MEF2A: variants seen among roughly 807,000 people sequenced by gnomAD.
MEF2A encodes the protein myocyte-specific enhancer factor 2A.
MEF2A carries 28 observed loss-of-function variants against 55.8 expected under a neutral mutation model. The observed-to-expected ratio is 0.50, with a 90% CI of 0.37 to 0.69. The LOEUF is 0.69. Among genes scored for constraint, MEF2A ranks in the 30% least tolerant of loss-of-function variants. The probability of loss-of-function intolerance (pLI) is 0.00; values close to 1 mark genes in which losing one functional copy is unlikely to be tolerated. For missense variants in MEF2A, 528 were observed against 626.2 expected, an observed-to-expected ratio of 0.84 and a Z score of 1.67; for synonymous variants, 239 against 227.1, an observed-to-expected ratio of 1.05 and a Z score of -0.47.
intron 8 of MEF2A, among the ~76,000 whole-genome samples, chr15:99,700,445 G>A (rs910376546): frequency 6.6e-6 from 1 of 151,728 alleles, no homozygotes; most frequent in Non-Finnish European, 1.5e-5. Context: ...CCAGGAAGTC[G>A]AGGCTGCAGT....
chr15:99,688,545 C>T (rs537514952), intron 7 of MEF2A, among the ~76,000 whole-genome samples: 30 of 152,228 alleles, frequency 2.0e-4, no homozygotes, highest in Non-Finnish European at 4.1e-4. Context: ...ATCATGAGGT[C>T]AGGAGATCAA....
intron 1 of MEF2A, among the ~76,000 whole-genome samples, chr15:99,567,259 A>G (rs1042348731): frequency 6.6e-6 from 1 of 152,262 alleles, no homozygotes; most frequent in Non-Finnish European, 1.5e-5. Context: ...ATGTGTTAAC[A>G]ATAGCATATG....
intron 2 of MEF2A, among the ~76,000 whole-genome samples, chr15:99,605,768 C>G (rs1974863355): frequency 6.6e-6 from 1 of 151,724 alleles, no homozygotes; most frequent in Non-Finnish European, 1.5e-5. Context: ...CCTAGGAGTT[C>G]AAGACCAGCT....
At chr15:99,590,558 T>G (rs1228826604) in intron 1 of MEF2A, among the ~76,000 whole-genome samples, 1 of 151,466 alleles carries the variant, frequency 6.6e-6, no homozygotes, top group Non-Finnish European at 1.5e-5. Flanking sequence ...TCCTATTTTG[T>G]GTTTTATTTT....
chr15:99,690,745 A>G (rs1470991461), intron 8 of MEF2A: 10 of 461,484 alleles, frequency 2.2e-5, no homozygotes, highest in Non-Finnish European at 4.2e-5. Flanking sequence ...GTGGGACCTA[A>G]AAAAATTGGT....
At chr15:99,694,792 C>T (rs1282375014) in intron 8 of MEF2A, among the ~76,000 whole-genome samples, 2 of 152,096 alleles carry the variant, frequency 1.3e-5, no homozygotes, top group East Asian at 1.9e-4. Flanking sequence ...TTCTTCTGCA[C>T]GGGAGATTTA....
chr15:99,573,963 G>T (rs1483896114), intron 1 of MEF2A, among the ~76,000 whole-genome samples: 2 of 152,144 alleles, frequency 1.3e-5, no homozygotes, highest in African/African-American at 4.8e-5. Context: ...AGGGAGAGAA[G>T]AATCTAGGAG....
chr15:99,650,460 C>T lies in MEF2A; in HGVS notation c.258+4696C>T, dbSNP rs549834903. ...TAAGAATGATAGGTATTATTAAGCACTTAACATGGTCTAGTAAAGACTTCA... is the reference window on the plus strand; with the variant it reads ...TAAGAATGATAGGTATTATTAAGCATTTAACATGGTCTAGTAAAGACTTCA... On this transcript the variant is annotated intron_variant, in intron 4 of 11. Transcript: ENST00000557942. Among the ~76,000 whole-genome samples the T allele has an allele frequency of 5.4e-4, 82 of 152,278 alleles. 1 individual carries two copies. Among genetic ancestry groups the T allele is most frequent in the African/African-American group, 1.9e-3 (81 of 41,546 alleles).
At chr15:99,624,112 G>A (rs1353885468) in intron 2 of MEF2A, among the ~76,000 whole-genome samples, 2 of 152,124 alleles carry the variant, frequency 1.3e-5, no homozygotes, top group Non-Finnish European at 2.9e-5. Flanking sequence ...GCCGTGATCT[G>A]CAGTTATTAT....
chr15:99,665,996 A>G (rs2049603992), intron 4 of MEF2A, among the ~76,000 whole-genome samples: 1 of 152,188 alleles, frequency 6.6e-6, no homozygotes, highest in Non-Finnish European at 1.5e-5. Flanking sequence ...GTGGGAGTGT[A>G]AATTAGTTCA....
rs546417031 is a variant in MEF2A at position 99,585,142 on chromosome 15, C to T, written c.-224-13288C>T. On this transcript the variant is annotated intron_variant, in intron 1 of 11. Transcript: ENST00000557942. ...TGGAATTGTGCTTTATTCTAGTTGA[C>T]AGGATTAATCTTACCATTCTCTTAT... Among the ~76,000 whole-genome samples, 71 of 152,260 alleles carry T rather than the reference C, an allele frequency of 4.7e-4. 1 individual carries two copies. Among genetic ancestry groups the T allele is most frequent in the African/African-American group, 1.7e-3 (70 of 41,546 alleles).
chr15:99,629,947 A>C (rs539067878), intron 2 of MEF2A, among the ~76,000 whole-genome samples: 1 of 151,958 alleles, frequency 6.6e-6, no homozygotes, highest in South Asian at 2.1e-4. Flanking sequence ...CTCAAAAAAA[A>C]AAAATCTCTC....
At chr15:99,662,769 C>T (rs553719503) in intron 4 of MEF2A, among the ~76,000 whole-genome samples, 24 of 152,284 alleles carry the variant, frequency 1.6e-4, no homozygotes, top group East Asian at 5.8e-4. Context: ...TGAGCCACCG[C>T]GCCCGGCCCA....
At chr15:99,678,209 A>G (rs1381371807) in intron 7 of MEF2A, among the ~76,000 whole-genome samples, 1 of 152,202 alleles carries the variant, frequency 6.6e-6, no homozygotes, top group Non-Finnish European at 1.5e-5. Context: ...TTTCAAATAC[A>G]TGGAGATTTT....
chr15:99,685,457 T>C (rs1389953721), intron 7 of MEF2A, among the ~76,000 whole-genome samples: 2 of 152,078 alleles, frequency 1.3e-5, no homozygotes, highest in African/African-American at 4.8e-5. Context: ...TTGCACCTGT[T>C]GCAAAAAGCG....
At chr15:99,617,162 CT>C (rs1301454682) in intron 2 of MEF2A, among the ~76,000 whole-genome samples, 1 of 151,928 alleles carries the variant, frequency 6.6e-6, no homozygotes, top group Non-Finnish European at 1.5e-5. Flanking sequence ...ATCATCATTT[CT>C]TATAAAGACT....
chr15:99,569,091 G>T (rs1482389354), intron 1 of MEF2A, among the ~76,000 whole-genome samples: 1 of 152,186 alleles, frequency 6.6e-6, no homozygotes, highest in Non-Finnish European at 1.5e-5. Flanking sequence ...ATGCTGATTT[G>T]CAAGCCCCAG....
chr15:99,706,776 C>G lies in MEF2A; in HGVS notation c.930C>G (p.Thr310=), dbSNP rs3730283. ...CTCAAGCCACTCAACCTCTTGCTAC[C>G]CCAGTCGTGTCTGTGACAACCCCAA... is the stretch of plus-strand genomic sequence containing the variant. The part of the protein sequence containing the change: ...SSSQATQPLA[T]PVVSVTTPSL... Residue 310 remains threonine, a synonymous_variant, in exon 10 of 12, where the codon ACC becomes ACG. Transcript: ENST00000557942. 6.2e-7 allele frequency: 1 copy of G among 1,613,814 alleles called. No homozygotes were observed. The highest frequency in any genetic ancestry group is 1.3e-5 in the African/African-American group (1 of 74,914).
rs1330997632 is a variant in MEF2A at position 99,620,146 on chromosome 15, A to G, written c.-142-12832A>G. On this transcript the variant is annotated intron_variant, in intron 2 of 11. Transcript: ENST00000557942. ...TTATTATTTTAAATAACTTGAGTAT[A>G]TGCTGCTAGTCTTTTATCTGTGAAC... is the stretch of plus-strand genomic sequence containing the variant. Among the ~76,000 whole-genome samples, 12 of 152,242 alleles carry G rather than the reference A, an allele frequency of 7.9e-5. No individual in the cohort carries two copies. The East Asian group carries it at 2.3e-3, about 29-fold the overall frequency.
Sources: allele counts gnomAD v4.1 joint callset (sites outside exome capture counted in the v4.1 genomes callset), GRCh38; gene constraint gnomAD v4.1.1; transcripts MANE v1.5; gene names NCBI Gene and HGNC (gene_info 2026-07-23, HGNC 2026-07-21).